The following FUT8 variants were observed in gnomAD, a reference collection of about 807,000 sequenced individuals.
FUT8 encodes fucosyltransferase 8, also known as alpha-(1,6)-fucosyltransferase.
In FUT8, 29 loss-of-function variants were observed where a neutral mutation model predicts 71.3. The ratio of observed to expected loss-of-function variants is 0.41; its 90% CI spans 0.30 to 0.55. FUT8 has a LOEUF of 0.55. FUT8 is among the 20% of genes least tolerant of loss of function. The probability of loss-of-function intolerance (pLI) is 0.34; values close to 1 mark genes in which losing one functional copy is unlikely to be tolerated. For synonymous variants in FUT8, 254 were observed against 239.3 expected, an observed-to-expected ratio of 1.06 and a Z score of -0.57; for missense variants, 544 against 702.1, an observed-to-expected ratio of 0.77 and a Z score of 2.55.
At chr14:65,548,493 T>G (rs1000999134) in intron 2 of FUT8, among the ~76,000 whole-genome samples, 2 of 151,302 alleles carry the variant, frequency 1.3e-5, no homozygotes, top group African/African-American at 4.8e-5. Context: ...CCATCTTGAT[T>G]TTTTTTTTGC....
intron 6 of FUT8, among the ~76,000 whole-genome samples, chr14:65,633,340 G>A (rs1375618913): frequency 6.6e-6 from 1 of 152,202 alleles, no homozygotes; most frequent in South Asian, 2.1e-4. Flanking sequence ...GCCCAGGCTG[G>A]AGTGCAGTGG....
chr14:65,420,208 C>T (rs2065272892), intron 1 of FUT8, among the ~76,000 whole-genome samples: 1 of 151,990 alleles, frequency 6.6e-6, no homozygotes, highest in South Asian at 2.1e-4. Flanking sequence ...AATAAAATTA[C>T]CAAAGAAGTC....
At chr14:65,510,018 TAA>T (rs1268005018) in intron 2 of FUT8, among the ~76,000 whole-genome samples, 1 of 152,154 alleles carries the variant, frequency 6.6e-6, no homozygotes, top group East Asian at 1.9e-4. Flanking sequence ...TTTCAGATCG[TAA>T]AAGACAGGCT....
chr14:65,518,399 T>C (rs1427284966), intron 2 of FUT8, among the ~76,000 whole-genome samples: 2 of 152,198 alleles, frequency 1.3e-5, no homozygotes, highest in African/African-American at 4.8e-5. Context: ...CTCATTACTT[T>C]GTAGGGTGTC....
intron 7 of FUT8, among the ~76,000 whole-genome samples, chr14:65,673,270 C>G (rs17779281): frequency 0.02 from 3,005 of 152,280 alleles, 45 homozygotes; most frequent in Non-Finnish European, 0.032. Flanking sequence ...ATTTGACATC[C>G]TTAAGGTTTA....
chr14:65,478,245 A>G (rs1306715613), intron 2 of FUT8, among the ~76,000 whole-genome samples: 2 of 152,120 alleles, frequency 1.3e-5, no homozygotes, highest in Admixed American at 1.3e-4. Context: ...AGGAGTCCCC[A>G]AGGCCCCCCA....
chr14:65,655,475 C>CAAAA (rs575608113), intron 6 of FUT8, among the ~76,000 whole-genome samples: 1 of 49,676 alleles, frequency 2.0e-5, no homozygotes, highest in Non-Finnish European at 4.4e-5. Context: ...GACTCCGTCT[C>CAAAA]AAAAAAAAAA....
intron 2 of FUT8, among the ~76,000 whole-genome samples, chr14:65,554,131 GAAT>G (rs1201603471): frequency 1.3e-5 from 2 of 151,556 alleles, no homozygotes; most frequent in East Asian, 1.9e-4. Context: ...GTTTCATTTT[GAAT>G]AATATCTATT....
At chr14:65,371,366 T>C in the FUT8 span, among the ~76,000 whole-genome samples, 1 of 152,198 alleles carries the variant, frequency 6.6e-6, no homozygotes, top group East Asian at 1.9e-4. Context: ...GCTGTGAAAA[T>C]TAGGAAATTA....
chr14:65,590,191 A>G (rs1314816876), intron 3 of FUT8, among the ~76,000 whole-genome samples: 2 of 152,242 alleles, frequency 1.3e-5, no homozygotes, highest in Non-Finnish European at 2.9e-5. Flanking sequence ...GCACAAAATA[A>G]GAATCATTTG....
At chr14:65,584,038 C>T (rs1222841526) in intron 3 of FUT8, among the ~76,000 whole-genome samples, 2 of 152,044 alleles carry the variant, frequency 1.3e-5, no homozygotes, top group East Asian at 1.9e-4. Context: ...TGCTACCACG[C>T]CTGGCTAATT....
At chr14:65,662,629 T>C (rs565149646) in intron 6 of FUT8, among the ~76,000 whole-genome samples, 1 of 152,284 alleles carries the variant, frequency 6.6e-6, no homozygotes, top group East Asian at 1.9e-4. Context: ...CAGTGTGAAA[T>C]AATGTCTCTT....
the FUT8 span, among the ~76,000 whole-genome samples, chr14:65,376,655 A>G: frequency 0.24 from 34,666 of 143,308 alleles, 4,985 homozygotes; most frequent in East Asian, 0.55. Context: ...CAAGTGATCC[A>G]CCCGCCTTGG....
intron 6 of FUT8, among the ~76,000 whole-genome samples, chr14:65,668,730 A>G (rs1489047015): frequency 6.6e-6 from 1 of 152,212 alleles, no homozygotes; most frequent in East Asian, 1.9e-4. Flanking sequence ...CATGCAATTA[A>G]CATGTTTATC....
At chr14:65,551,978 T>A (rs1227205723) in intron 2 of FUT8, among the ~76,000 whole-genome samples, 7 of 152,180 alleles carry the variant, frequency 4.6e-5, no homozygotes, top group Non-Finnish European at 7.4e-5. Flanking sequence ...TGTTTATATA[T>A]ATAATTTTAA....
intron 1 of FUT8, among the ~76,000 whole-genome samples, chr14:65,423,541 C>T (rs1001387954): frequency 3.6e-4 from 55 of 152,116 alleles, no homozygotes; most frequent in Admixed American, 2.6e-4. Context: ...GGATTACAGG[C>T]GTGAGCCACC....
chr14:65,637,996 T>C (rs1253476494), intron 6 of FUT8, among the ~76,000 whole-genome samples: 1 of 152,208 alleles, frequency 6.6e-6, no homozygotes, highest in East Asian at 1.9e-4. Context: ...GTTAATGTCA[T>C]GTTAATGACA....
chr14:65,616,224 T>A lies in FUT8; in HGVS notation c.333T>A (p.Asp111Glu). 5 of 1,606,004 alleles carry A rather than the reference T, an allele frequency of 3.1e-6. No individual in the cohort carries two copies. Among genetic ancestry groups the A allele is most frequent in the Non-Finnish European group, 2.5e-6 (3 of 1,176,738 alleles). Residue 111 changes from aspartate to glutamate, a missense_variant, in exon 5 of 11, where the codon GAT becomes GAA. Physicochemically the swap from Asp to Glu is conservative, Grantham distance 45. Transcript: ENST00000673929. Reference protein sequence around the residue: ...KKQTRNGLGKDHEILRRRIEN... With the variant: ...KKQTRNGLGKEHEILRRRIEN... ...CTTTGACTACAGGTCTGGGGAAGGATCATGAAATCCTGAGGAGGAGGATTG... is the reference window on the plus strand; with the variant it reads ...CTTTGACTACAGGTCTGGGGAAGGAACATGAAATCCTGAGGAGGAGGATTG...
intron 6 of FUT8, among the ~76,000 whole-genome samples, chr14:65,668,831 A>G (rs1459167588): frequency 6.6e-6 from 1 of 152,200 alleles, no homozygotes; most frequent in Non-Finnish European, 1.5e-5. Flanking sequence ...CATATATATC[A>G]TGGAATAGTA....
Sources: allele counts gnomAD v4.1 joint callset (sites outside exome capture counted in the v4.1 genomes callset), GRCh38; gene constraint gnomAD v4.1.1; transcripts MANE v1.5; gene names NCBI Gene and HGNC (gene_info 2026-07-23, HGNC 2026-07-21).